NRXN3: variants seen among roughly 807,000 people sequenced by gnomAD.
NRXN3 encodes neurexin 3, also known as neurexin III.
NRXN3 carries 32 observed loss-of-function variants against 137.6 expected under a neutral mutation model. The ratio of observed to expected loss-of-function variants is 0.23; its 90% CI spans 0.18 to 0.31. The LOEUF (loss-of-function observed/expected upper bound fraction) is 0.31. Ranked by LOEUF, NRXN3 falls within the 10% of genes least tolerant of loss-of-function variation. The pLI is 1.00. For synonymous variants in NRXN3, 798 were observed against 784.5 expected (o/e 1.02, Z -0.29); for missense variants, 1,574 against 2,062.5 (o/e 0.76, Z 4.59).
chr14:79,508,928 A>T (rs1474737633), intron 16 of NRXN3, among the ~76,000 whole-genome samples: 3 of 152,128 alleles, frequency 2.0e-5, no homozygotes, highest in Non-Finnish European at 4.4e-5. Context: ...ATGCTGGCTC[A>T]TGCCTATAAT....
intron 10 of NRXN3, among the ~76,000 whole-genome samples, chr14:78,861,192 T>C (rs549983369): frequency 5.3e-5 from 8 of 152,286 alleles, no homozygotes; most frequent in Admixed American, 4.6e-4. Context: ...TTATATGAAA[T>C]ACAACTTTTA....
At chr14:79,570,607 G>A (rs1332951005) in intron 16 of NRXN3, 1 of 152,178 alleles carries the variant, frequency 6.6e-6, no homozygotes, top group Non-Finnish European at 1.5e-5. Flanking sequence ...CTGAATCCTT[G>A]TGATATGGAA....
At chr14:79,824,587 T>C (rs1453688578) in intron 20 of NRXN3, among the ~76,000 whole-genome samples, 1 of 152,188 alleles carries the variant, frequency 6.6e-6, no homozygotes, top group Non-Finnish European at 1.5e-5. Context: ...AAACAGCTGG[T>C]AAAACAAATG....
intron 9 of NRXN3, among the ~76,000 whole-genome samples, chr14:78,807,599 G>T (rs1301339651): frequency 6.6e-6 from 1 of 152,006 alleles, no homozygotes; most frequent in Non-Finnish European, 1.5e-5. Context: ...CCTGGGCTTG[G>T]TGGTGCGTGC....
intron 4 of NRXN3, among the ~76,000 whole-genome samples, chr14:78,363,682 G>A (rs931628589): frequency 2.0e-5 from 3 of 152,160 alleles, no homozygotes; most frequent in African/African-American, 7.2e-5. Context: ...TCTGCTGTGT[G>A]TTCTGTCCTC....
At chr14:78,934,993 T>C (rs540287455) in intron 10 of NRXN3, among the ~76,000 whole-genome samples, 1 of 151,608 alleles carries the variant, frequency 6.6e-6, no homozygotes, top group East Asian at 1.9e-4. Flanking sequence ...AAAGAAGAAA[T>C]AGACAATGGG....
intron 16 of NRXN3, among the ~76,000 whole-genome samples, chr14:79,518,850 G>T (rs776870573): frequency 2.9e-4 from 44 of 152,004 alleles, no homozygotes; most frequent in Non-Finnish European, 4.9e-4. Context: ...CATCCCTATG[G>T]TTTCTTAACA....
At chr14:78,783,680 T>C (rs762279960) in intron 8 of NRXN3, among the ~76,000 whole-genome samples, 16 of 152,082 alleles carry the variant, frequency 1.1e-4, no homozygotes, top group Admixed American at 2.0e-4. Context: ...TAAAAAAGTT[T>C]AAAACAATTA....
chr14:78,469,749 T>G (rs2095219678), intron 4 of NRXN3, among the ~76,000 whole-genome samples: 1 of 152,196 alleles, frequency 6.6e-6, no homozygotes, highest in Non-Finnish European at 1.5e-5. Flanking sequence ...ACCCCTGTTG[T>G]CCCATTCAAA....
intron 4 of NRXN3, among the ~76,000 whole-genome samples, chr14:78,342,497 C>T (rs2082252272): frequency 6.6e-6 from 1 of 152,148 alleles, no homozygotes; most frequent in Non-Finnish European, 1.5e-5. Context: ...TGGGTGCTTA[C>T]ATATATGTCA....
chr14:79,510,215 A>T (rs1417215121), intron 16 of NRXN3, among the ~76,000 whole-genome samples: 1 of 152,224 alleles, frequency 6.6e-6, no homozygotes, highest in East Asian at 1.9e-4. Context: ...CTTAAGGAAG[A>T]AGATCTAGGG....
intron 15 of NRXN3, among the ~76,000 whole-genome samples, chr14:79,139,880 G>T (rs2058630085): frequency 6.7e-6 from 1 of 150,018 alleles, no homozygotes; most frequent in Non-Finnish European, 1.5e-5. Context: ...GGCTTTCTTG[G>T]AAATATGGCT....
chr14:79,157,899 C>T (rs1396908616), intron 15 of NRXN3, among the ~76,000 whole-genome samples: 1 of 151,706 alleles, frequency 6.6e-6, no homozygotes, highest in Non-Finnish European at 1.5e-5. Context: ...TAGTAAGTAC[C>T]ACTTTTCACC....
intron 2 of NRXN3, among the ~76,000 whole-genome samples, chr14:78,273,387 A>G (rs1002442803): frequency 6.6e-6 from 1 of 152,238 alleles, no homozygotes; most frequent in Non-Finnish European, 1.5e-5. Context: ...GCCCTCAGTC[A>G]ATGTCAGCTG....
At chr14:78,360,231 A>G (rs1337168608) in intron 4 of NRXN3, among the ~76,000 whole-genome samples, 3 of 152,124 alleles carry the variant, frequency 2.0e-5, no homozygotes, top group African/African-American at 7.2e-5. Context: ...CCACCTTCTT[A>G]AAGATGCAAG....
At chr14:78,230,135 C>A (rs1004286159) in intron 1 of NRXN3, among the ~76,000 whole-genome samples, 1 of 152,158 alleles carries the variant, frequency 6.6e-6, no homozygotes, top group African/African-American at 2.4e-5. Flanking sequence ...AGTGATCCTC[C>A]CGCCTCAGCT....
intron 15 of NRXN3, among the ~76,000 whole-genome samples, chr14:79,118,918 T>G (rs193292489): frequency 6.6e-6 from 1 of 152,290 alleles, no homozygotes; most frequent in East Asian, 1.9e-4. Flanking sequence ...ACGACAAAAT[T>G]GAGACAATTT....
intron 4 of NRXN3, among the ~76,000 whole-genome samples, chr14:78,336,115 T>G (rs2153576465): frequency 6.6e-6 from 1 of 152,038 alleles, no homozygotes; most frequent in African/African-American, 2.4e-5. Flanking sequence ...ATTCAATAGG[T>G]TTGGAGTTGT....
chr14:79,689,355 A>G (rs1361200966), intron 17 of NRXN3, among the ~76,000 whole-genome samples: 1 of 152,132 alleles, frequency 6.6e-6, no homozygotes, highest in African/African-American at 2.4e-5. Context: ...CAAATGAGGC[A>G]TGGGGCAAAT....
Sources: allele counts gnomAD v4.1 joint callset (sites outside exome capture counted in the v4.1 genomes callset), GRCh38; gene constraint gnomAD v4.1.1; transcripts MANE v1.5; gene names NCBI Gene and HGNC (gene_info 2026-07-23, HGNC 2026-07-21).